Variants in WDFY4 observed in about 807,000 individuals in gnomAD.
WDFY4 encodes WDFY family member 4, also known as WD repeat- and FYVE domain-containing protein 4.
WDFY4 carries 169 observed loss-of-function variants against 351.9 expected under a neutral mutation model. That is an observed-to-expected ratio of 0.48 (90% CI 0.42 to 0.55). The LOEUF (loss-of-function observed/expected upper bound fraction) is 0.55. Among genes scored for constraint, WDFY4 ranks in the 20% least tolerant of loss-of-function variants. The pLI is 0.00. For synonymous variants in WDFY4, 1,622 were observed against 1,574.6 expected (o/e 1.03, Z -0.71); for missense variants, 3,803 against 3,935.6 (o/e 0.97, Z 0.90).
chr10:48,873,452 G>A, intron 40 of WDFY4, 39 bp from the exon 41 acceptor site: 3 of 1,503,800 alleles, frequency 2.0e-6, no homozygotes, highest in Admixed American at 2.3e-5. Flanking sequence ...AGGCCCATAA[G>A]GCAAATGTAT....
chr10:48,874,582 G>C (rs1196173998), intron 41 of WDFY4, among the ~76,000 whole-genome samples: 1 of 151,968 alleles, frequency 6.6e-6, no homozygotes, highest in East Asian at 1.9e-4. Context: ...AATTTTCTAA[G>C]TATTGTCAAT....
chr10:48,774,740 A>C, intron 14 of WDFY4, 68 bp downstream of exon 14: 1 of 1,525,368 alleles, frequency 6.6e-7, no homozygotes, highest in Non-Finnish European at 8.9e-7. Context: ...CAGGGGTTGC[A>C]CAATGGGCAG....
chr10:48,725,033 T>A (rs1163619043), intron 5 of WDFY4, among the ~76,000 whole-genome samples: 2 of 152,004 alleles, frequency 1.3e-5, no homozygotes, highest in Admixed American at 1.3e-4. Flanking sequence ...GGAGGTAGTG[T>A]GGCCGGGTGG....
At chr10:48,950,974 T>C (rs532166313) in intron 51 of WDFY4, among the ~76,000 whole-genome samples, 2 of 152,318 alleles carry the variant, frequency 1.3e-5, no homozygotes, top group African/African-American at 4.8e-5. Flanking sequence ...GTCTGCTGGG[T>C]TGCAGAGAGG....
intron 47 of WDFY4, 21 bp from the exon 48 acceptor site, chr10:48,941,785 C>A: frequency 6.4e-7 from 1 of 1,551,784 alleles, no homozygotes; most frequent in Admixed American, 2.0e-5. Context: ...TTAGTCACCA[C>A]CTTGGTTTTC....
intron 4 of WDFY4, among the ~76,000 whole-genome samples, chr10:48,722,029 T>A (rs1258534705): frequency 6.6e-6 from 1 of 152,190 alleles, no homozygotes; most frequent in East Asian, 1.9e-4. Context: ...GCCCTCAGTG[T>A]AACTTCTCCA....
intron 12 of WDFY4, 150 bp from the exon 13 acceptor site, chr10:48,760,197 A>C: frequency 3.1e-6 from 2 of 655,438 alleles, no homozygotes; most frequent in African/African-American, 3.6e-5. Flanking sequence ...GGAGGAAATT[A>C]GGCTCGATGG....
At chr10:48,927,897 A>G (rs1044793512) in intron 47 of WDFY4, among the ~76,000 whole-genome samples, 7 of 152,252 alleles carry the variant, frequency 4.6e-5, no homozygotes, top group African/African-American at 1.7e-4. Context: ...CAATTAAAAT[A>G]AAATATTAAG....
chr10:48,914,108 C>T, intron 47 of WDFY4: 1 of 1,614,186 alleles, frequency 6.2e-7, no homozygotes, highest in Non-Finnish European at 8.5e-7. Flanking sequence ...TCCTGGCCAC[C>T]TTGAGGGTGA....
intron 43 of WDFY4, 129 bp downstream of exon 43, chr10:48,877,328 C>A: frequency 1.1e-6 from 1 of 887,930 alleles, no homozygotes; most frequent in East Asian, 2.8e-5. Context: ...AAACTTTCAA[C>A]ACAATAATCA....
At chr10:48,714,016 C>A (rs574728675) in intron 2 of WDFY4, among the ~76,000 whole-genome samples, 1 of 152,320 alleles carries the variant, frequency 6.6e-6, no homozygotes, top group Admixed American at 6.5e-5. Flanking sequence ...TTCTAACTAG[C>A]TAGCCAGACA....
chr10:48,771,303 C>G (rs2065857512), intron 13 of WDFY4, among the ~76,000 whole-genome samples: 1 of 152,192 alleles, frequency 6.6e-6, no homozygotes, highest in Admixed American at 6.5e-5. Context: ...ACATACTCGA[C>G]CATTTTTAGG....
rs995408384 is a variant in WDFY4, at chr10:48,816,668, A to G, written c.5341-577A>G. Among the ~76,000 whole-genome samples the G allele has an allele frequency of 7.9e-5, 12 of 152,256 alleles. No individual in the cohort carries two copies. In the East Asian group the frequency reaches 1.7e-3, roughly 22 times the overall value. ...AATGTTATTCAAAATAAAGCAAACA[A>G]AAGGAATCACATGCAAGCATTTAAA... On this transcript the variant is annotated intron_variant, in intron 31 of 61. Coordinates refer to ENST00000325239, the MANE Select transcript of WDFY4 (RefSeq NM_001394531.1).
At chr10:48,847,795 T>A (rs1339702010) in intron 39 of WDFY4, among the ~76,000 whole-genome samples, 1 of 152,178 alleles carries the variant, frequency 6.6e-6, no homozygotes, top group Non-Finnish European at 1.5e-5. Flanking sequence ...TAGTCATTCT[T>A]CATGTACTCA....
chr10:48,805,363 A>G lies in WDFY4; in HGVS notation c.4588A>G (p.Ile1530Val). The change falls in exon 26 of 62, where the codon ATC becomes GTC. Residue 1530 changes from isoleucine to valine, a missense_variant. Physicochemically the swap from Ile to Val is conservative, Grantham distance 29. Around this residue, in one of 3 missense-constraint regions of WDFY4, gnomAD observed 3,054 missense variants for 3,148.6 expected, o/e 0.97. Coordinates refer to ENST00000325239, the MANE Select transcript of WDFY4 (RefSeq NM_001394531.1). ...PSLIPSKIST[I>V]IGILACQLRG... ...CCTCATCCCCTCCAAGATCTCCACC[A>G]TCATTGGCATCCTGGCCTGTCAGCT... The G allele has an allele frequency of 1.9e-6, 3 of 1,549,548 alleles. No homozygotes were observed. Among genetic ancestry groups the G allele is most frequent in the Non-Finnish European group, 2.6e-6 (3 of 1,146,986 alleles).
At chr10:48,920,015 T>G (rs1010447439) in intron 47 of WDFY4, among the ~76,000 whole-genome samples, 1 of 152,076 alleles carries the variant, frequency 6.6e-6, no homozygotes, top group African/African-American at 2.4e-5. Flanking sequence ...CAACATAGTA[T>G]TAGCAAATTG....
intron 1 of WDFY4, among the ~76,000 whole-genome samples, chr10:48,706,974 A>C (rs527510397): frequency 6.6e-6 from 1 of 152,320 alleles, no homozygotes; most frequent in African/African-American, 2.4e-5. Flanking sequence ...ACTACAAAGA[A>C]AGTTATGGAC....
At chr10:48,965,671 A>G (rs1842042146) in intron 54 of WDFY4, among the ~76,000 whole-genome samples, 1 of 150,148 alleles carries the variant, frequency 6.7e-6, no homozygotes, top group African/African-American at 2.4e-5. Flanking sequence ...CTGGTGGATG[A>G]CTTGCAGGAA....
intron 12 of WDFY4, among the ~76,000 whole-genome samples, chr10:48,752,885 A>C (rs1388298318): frequency 6.6e-6 from 1 of 152,182 alleles, no homozygotes; most frequent in Non-Finnish European, 1.5e-5. Flanking sequence ...ATTCTTTTGA[A>C]TATATACCTA....
Sources: gnomAD v4.1 joint callset for allele counts (sites outside exome capture counted in the v4.1 genomes callset) on GRCh38, gnomAD v4.1.1 for gene constraint, gnomAD v4.1.1 regional missense constraint, MANE v1.5 for transcripts, NCBI Gene and HGNC (gene_info 2026-07-23, HGNC 2026-07-21) for gene names.